The following KIAA1328 variants were observed in gnomAD, a reference collection of about 807,000 sequenced individuals.
The protein encoded by KIAA1328 is KIAA1328.
A neutral mutation model predicts 68.1 loss-of-function variants in KIAA1328; 52 were observed. The observed-to-expected ratio is 0.76, with a 90% CI of 0.61 to 0.96. The LOEUF is 0.96. Among genes scored for constraint, KIAA1328 ranks in the 40% least tolerant of loss-of-function variants. The pLI, the probability that KIAA1328 is intolerant of heterozygous loss-of-function variation, is 0.00. For synonymous variants in KIAA1328, 232 were observed against 239.4 expected, an observed-to-expected ratio of 0.97 and a Z score of 0.28; for missense variants, 641 against 677.6, an observed-to-expected ratio of 0.95 and a Z score of 0.60.
At chr18:37,096,668 G>A (rs1035366382) in intron 7 of KIAA1328, among the ~76,000 whole-genome samples, 16 of 152,326 alleles carry the variant, frequency 1.1e-4, no homozygotes, top group East Asian at 3.9e-4. Context: ...CACAATGGCT[G>A]AACTAGTTTA....
At chr18:37,115,911 T>C (rs1171649081) in intron 7 of KIAA1328, among the ~76,000 whole-genome samples, 1 of 152,190 alleles carries the variant, frequency 6.6e-6, no homozygotes, top group Non-Finnish European at 1.5e-5. Context: ...CCATTCACAA[T>C]TGCTTCAAAG....
At chr18:36,932,411 G>T (rs1029859005) in intron 5 of KIAA1328, among the ~76,000 whole-genome samples, 3 of 152,028 alleles carry the variant, frequency 2.0e-5, no homozygotes, top group Non-Finnish European at 4.4e-5. Flanking sequence ...TGTAGAGACT[G>T]GGTTTTGTTA....
chr18:36,848,113 A>AT (rs1423853138), intron 4 of KIAA1328, among the ~76,000 whole-genome samples: 4 of 151,674 alleles, frequency 2.6e-5, no homozygotes, highest in Non-Finnish European at 5.9e-5. Context: ...CTAAAGGAAA[A>AT]TTGTTTCCTG....
At chr18:37,228,082 C>A (rs752336473), downstream of KIAA1328, among the ~76,000 whole-genome samples, 9 of 152,120 alleles carry the variant, frequency 5.9e-5, no homozygotes, top group Non-Finnish European at 1.2e-4. Flanking sequence ...GTGGAAATAG[C>A]AAGAGAACTA....
intron 4 of KIAA1328, among the ~76,000 whole-genome samples, chr18:36,874,601 AT>A (rs2048058735): frequency 6.6e-6 from 1 of 152,084 alleles, no homozygotes; most frequent in Non-Finnish European, 1.5e-5. Flanking sequence ...AGATGGATAG[AT>A]TGCAAAAATT....
At chr18:37,046,727 A>C (rs2055485425) in intron 6 of KIAA1328, among the ~76,000 whole-genome samples, 1 of 152,200 alleles carries the variant, frequency 6.6e-6, no homozygotes, top group Non-Finnish European at 1.5e-5. Flanking sequence ...TCCGCAATAG[A>C]TTGTGCCTAA....
At chr18:37,149,457 G>T (rs1053806666) in intron 7 of KIAA1328, among the ~76,000 whole-genome samples, 1 of 152,044 alleles carries the variant, frequency 6.6e-6, no homozygotes, top group East Asian at 1.9e-4. Context: ...AACCCTAGAA[G>T]AAAATCTAGG....
chr18:36,904,877 G>T (rs1268188987), intron 5 of KIAA1328, among the ~76,000 whole-genome samples: 4 of 151,614 alleles, frequency 2.6e-5, no homozygotes, highest in Admixed American at 2.6e-4. Flanking sequence ...GCTCTGTTCT[G>T]TATTTAGTGG....
chr18:36,979,305 T>C (rs183986487), intron 6 of KIAA1328, among the ~76,000 whole-genome samples: 3 of 152,298 alleles, frequency 2.0e-5, no homozygotes, highest in African/African-American at 7.2e-5. Context: ...TTATGTTTAT[T>C]ATAGATATAA....
chr18:37,202,267 C>A (rs910358189), intron 9 of KIAA1328, among the ~76,000 whole-genome samples: 7 of 151,998 alleles, frequency 4.6e-5, no homozygotes, highest in Non-Finnish European at 2.9e-5. Context: ...AAGGTTATAA[C>A]AAAATTATTT....
At chr18:37,042,532 A>G (rs2055297582) in intron 6 of KIAA1328, among the ~76,000 whole-genome samples, 1 of 151,986 alleles carries the variant, frequency 6.6e-6, no homozygotes, top group African/African-American at 2.4e-5. Context: ...CTTAGTTGAC[A>G]GTTTATTTTT....
chr18:36,857,931 G>T (rs949641319), intron 4 of KIAA1328, among the ~76,000 whole-genome samples: 1 of 152,000 alleles, frequency 6.6e-6, no homozygotes, highest in Admixed American at 6.6e-5. Flanking sequence ...ACTTAATTTT[G>T]AAAAATGTTT....
At position 37,035,571 on chromosome 18, in the gene KIAA1328, G is replaced by A. The variant is rs569574207; in HGVS notation, c.577-31319G>A. The stretch of plus-strand genomic sequence containing the variant: ...AGAAATATTTTCTATCAAAAGAAAT[G>A]ACCAGTGTGCTTAAATAACACAGCA... On this transcript the variant is annotated intron_variant, in intron 6 of 9. Transcript: ENST00000280020. 1.8e-4 allele frequency among the ~76,000 whole-genome samples: 28 copies of A among 152,270 alleles called. No homozygotes were observed. In the South Asian group the frequency reaches 4.6e-3, roughly 25 times the overall value.
At chr18:37,132,129 C>T (rs893518441) in intron 7 of KIAA1328, among the ~76,000 whole-genome samples, 7 of 151,802 alleles carry the variant, frequency 4.6e-5, no homozygotes, top group Non-Finnish European at 1.5e-5. Flanking sequence ...GTTTATTTAC[C>T]CAAAGCTGCC....
chr18:37,065,966 T>C (rs1043755271), intron 6 of KIAA1328, among the ~76,000 whole-genome samples: 2 of 152,142 alleles, frequency 1.3e-5, no homozygotes, highest in African/African-American at 4.8e-5. Flanking sequence ...TGTTCCATGA[T>C]ATAGACCAAT....
At chr18:37,025,306 C>T (rs1318787535) in intron 6 of KIAA1328, among the ~76,000 whole-genome samples, 1 of 152,130 alleles carries the variant, frequency 6.6e-6, no homozygotes, top group Non-Finnish European at 1.5e-5. Context: ...CAACATTAGA[C>T]AGATCAACGA....
At position 36,904,136 on chromosome 18, in the gene KIAA1328, C is replaced by T. The variant is rs565671702; in HGVS notation, c.448+18464C>T. Among the ~76,000 whole-genome samples, 6 of 152,136 alleles carry T rather than the reference C, an allele frequency of 3.9e-5. No individual in the cohort carries two copies. In the East Asian group the frequency reaches 1.2e-3, roughly 29 times the overall value. On this transcript the variant is annotated intron_variant, in intron 5 of 9. Transcript: ENST00000280020. Reference sequence around the variant, plus strand: ...TTTGGATGATGATGGGATGTGGAGTCTATTCTATTAACATGTATATTGCTG... The same window carrying T: ...TTTGGATGATGATGGGATGTGGAGTTTATTCTATTAACATGTATATTGCTG...
chr18:36,849,657 C>T (rs906611178), intron 4 of KIAA1328, among the ~76,000 whole-genome samples: 2 of 152,008 alleles, frequency 1.3e-5, no homozygotes, highest in East Asian at 3.9e-4. Context: ...CATCTTTTGG[C>T]TATTTAAACT....
chr18:37,068,283 A>G (rs1296232756), intron 7 of KIAA1328, among the ~76,000 whole-genome samples: 5 of 152,212 alleles, frequency 3.3e-5, no homozygotes, highest in Admixed American at 2.0e-4. Flanking sequence ...ATAATATAAA[A>G]TATAACAAGT....
Sources: allele counts gnomAD v4.1 joint callset (sites outside exome capture counted in the v4.1 genomes callset), GRCh38; gene constraint gnomAD v4.1.1; transcripts MANE v1.5; gene names NCBI Gene and HGNC (gene_info 2026-07-23, HGNC 2026-07-21).